The following SINHCAF variants were observed in gnomAD, a reference collection of about 807,000 sequenced individuals.
The protein encoded by SINHCAF is SIN3-HDAC complex-associated factor.
In SINHCAF, 3 loss-of-function variants were observed where a neutral mutation model predicts 25.8. That is an observed-to-expected ratio of 0.12 (90% confidence interval 0.05 to 0.30). SINHCAF has a LOEUF of 0.30. Among genes scored for constraint, SINHCAF ranks in the 10% least tolerant of loss-of-function variants. The pLI, the probability that SINHCAF is intolerant of heterozygous loss-of-function variation, is 1.00. For synonymous variants in SINHCAF, 70 were observed against 85.5 expected, an observed-to-expected ratio of 0.82 and a Z score of 1.00; for missense variants, 121 against 262.3, an observed-to-expected ratio of 0.46 and a Z score of 3.72.
chr12:31,302,854 C>T (rs1447784235), intron 1 of SINHCAF: 1 of 815,714 alleles, frequency 1.2e-6, no homozygotes, highest in Non-Finnish European at 1.5e-6. Flanking sequence ...AAGTTTACAA[C>T]CAGTACCTGT....
intron 4 of SINHCAF, among the ~76,000 whole-genome samples, chr12:31,292,380 T>TC (rs1212208681): frequency 6.6e-6 from 1 of 151,788 alleles, no homozygotes; most frequent in Non-Finnish European, 1.5e-5. Context: ...ATGTCTGTAG[T>TC]CCCAGCTACT....
chr12:31,295,091 T>C, intron 3 of SINHCAF, 143 bp downstream of exon 3: 1 of 607,060 alleles, frequency 1.6e-6, no homozygotes, highest in South Asian at 2.2e-5. Flanking sequence ...TAGGCCATTA[T>C]ATCTGAACAG....
chr12:31,309,623 A>C (rs1939181508), intron 1 of SINHCAF, among the ~76,000 whole-genome samples: 1 of 151,212 alleles, frequency 6.6e-6, no homozygotes, highest in African/African-American at 2.4e-5. Context: ...CATTTTCCCA[A>C]TCACATGAAG....
chr12:31,283,208 G>A (rs1221579527), intron 5 of SINHCAF, among the ~76,000 whole-genome samples: 1 of 152,022 alleles, frequency 6.6e-6, no homozygotes. Flanking sequence ...CCATAAACAG[G>A]CTGATGCAGC....
chr12:31,289,805 T>G (rs1045995728), intron 4 of SINHCAF, among the ~76,000 whole-genome samples: 27 of 152,016 alleles, frequency 1.8e-4, no homozygotes, highest in East Asian at 3.8e-4. Flanking sequence ...TTTGGGTTTT[T>G]TTTTTTTTTT....
intron 4 of SINHCAF, among the ~76,000 whole-genome samples, chr12:31,288,500 C>T (rs1377248982): frequency 6.6e-6 from 1 of 152,126 alleles, no homozygotes; most frequent in African/African-American, 2.4e-5. Flanking sequence ...CCACTAAGTA[C>T]AAGGCCACCC....
chr12:31,322,166 T>C (rs1939720666), intron 1 of SINHCAF, among the ~76,000 whole-genome samples: 1 of 152,202 alleles, frequency 6.6e-6, no homozygotes, highest in Admixed American at 6.5e-5. Flanking sequence ...GTAGAGACCT[T>C]GTCTGTGGGT....
chr12:31,302,583 C>T (rs607205), intron 1 of SINHCAF, among the ~76,000 whole-genome samples: 150,517 of 150,542 alleles, frequency 1, 75,246 homozygotes, highest in Middle Eastern at 1. Flanking sequence ...CAGGTTCCAA[C>T]AGGTTATAAC....
chr12:31,295,204 A>C (rs1167018903), intron 3 of SINHCAF, 30 bp downstream of exon 3: 1 of 1,301,640 alleles, frequency 7.7e-7, no homozygotes, highest in Non-Finnish European at 1.1e-6. Context: ...CAGTAGAGGT[A>C]TAATTGAGAA....
intron 1 of SINHCAF, chr12:31,312,106 G>GGTA: frequency 1.1e-5 from 5 of 458,872 alleles, no homozygotes; most frequent in South Asian, 8.3e-5. Context: ...GGTAACAACT[G>GGTA]ACATTTATCA....
intron 5 of SINHCAF, among the ~76,000 whole-genome samples, chr12:31,286,300 T>C (rs1200066537): frequency 6.6e-6 from 1 of 152,178 alleles, no homozygotes; most frequent in African/African-American, 2.4e-5. Context: ...TTTTAAACCT[T>C]AAAGGAATGT....
At chr12:31,297,467 A>ATTTTTTTTT (rs777087270) in intron 2 of SINHCAF, among the ~76,000 whole-genome samples, 64 of 103,430 alleles carry the variant, frequency 6.2e-4, no homozygotes, top group African/African-American at 2.2e-3. Flanking sequence ...GTCAAGCGTA[A>ATTTTTTTTT]TTTTTTTTTT....
intron 4 of SINHCAF, 130 bp downstream of exon 4, chr12:31,293,675 T>C (rs1270536003): frequency 1.7e-5 from 12 of 694,840 alleles, no homozygotes; most frequent in Non-Finnish European, 2.7e-5. Context: ...CTCTACCAAG[T>C]CAACGTTGCC....
chr12:31,295,435 T>C, intron 2 of SINHCAF, 102 bp from the exon 3 acceptor site: 1 of 727,500 alleles, frequency 1.4e-6, no homozygotes, highest in South Asian at 1.7e-5. Flanking sequence ...GTATGGTTTA[T>C]AGATACAATT....
chr12:31,305,696 A>ATTT (rs751436938), intron 1 of SINHCAF, among the ~76,000 whole-genome samples: 1,591 of 130,714 alleles, frequency 0.012, 32 homozygotes, highest in African/African-American at 0.041. Context: ...ATATAGGCCA[A>ATTT]TTTTTTTTTT....
At chr12:31,308,090 G>A (rs1183421438) in intron 1 of SINHCAF, among the ~76,000 whole-genome samples, 1 of 152,118 alleles carries the variant, frequency 6.6e-6, no homozygotes, top group African/African-American at 2.4e-5. Flanking sequence ...CAGGCATTTT[G>A]CCACCACATC....
chr12:31,312,256 T>C (rs1939299344), intron 1 of SINHCAF, among the ~76,000 whole-genome samples: 3 of 152,238 alleles, frequency 2.0e-5, no homozygotes, highest in Admixed American at 2.0e-4. Flanking sequence ...TAGAATTCCG[T>C]TGTGTGACAG....
At chr12:31,319,863 A>T (rs1939633058) in intron 1 of SINHCAF, among the ~76,000 whole-genome samples, 1 of 152,090 alleles carries the variant, frequency 6.6e-6, no homozygotes, top group Admixed American at 6.6e-5. Flanking sequence ...TTGATTATAT[A>T]ATCTTCCCTC....
chr12:31,313,113 C>A (rs1939344070), intron 1 of SINHCAF, among the ~76,000 whole-genome samples: 1 of 152,148 alleles, frequency 6.6e-6, no homozygotes, highest in Non-Finnish European at 1.5e-5. Context: ...CAACCTCCAC[C>A]TCCTGGGTTC....
Sources: allele counts gnomAD v4.1 joint callset (sites outside exome capture counted in the v4.1 genomes callset), GRCh38; gene constraint gnomAD v4.1.1; transcripts MANE v1.5; gene names NCBI Gene and HGNC (gene_info 2026-07-23, HGNC 2026-07-21).